The following DCLK1 variants were observed in gnomAD, a reference collection of about 807,000 sequenced individuals.
DCLK1 encodes the protein serine/threonine-protein kinase DCLK1.
Under a neutral mutation model 86.2 loss-of-function variants are expected in DCLK1, and 16 were observed. That is an observed-to-expected ratio of 0.19 (90% confidence interval 0.13 to 0.28). DCLK1 has a LOEUF of 0.28. Ranked by LOEUF, DCLK1 falls within the 10% of genes least tolerant of loss-of-function variation. DCLK1 has a pLI of 1.00. For synonymous variants in DCLK1, 369 were observed against 370.5 expected (o/e 1.00, Z 0.05); for missense variants, 590 against 940.2 (o/e 0.63, Z 4.87).
chr13:36,071,265 T>G (rs1012367244), intron 3 of DCLK1, among the ~76,000 whole-genome samples: 8 of 152,144 alleles, frequency 5.3e-5, no homozygotes, highest in Non-Finnish European at 1.0e-4. Context: ...CTTTTCTTAG[T>G]ATATACATGT....
intron 11 of DCLK1, among the ~76,000 whole-genome samples, chr13:35,817,898 A>G (rs2087306520): frequency 6.6e-6 from 1 of 152,228 alleles, no homozygotes; most frequent in Non-Finnish European, 1.5e-5. Flanking sequence ...TGAAATTGAC[A>G]ATAACACAAC....
chr13:35,905,395 G>A (rs1037286109), intron 4 of DCLK1, among the ~76,000 whole-genome samples: 5 of 152,188 alleles, frequency 3.3e-5, no homozygotes, highest in Non-Finnish European at 4.4e-5. Flanking sequence ...TTCAATGGTT[G>A]AGGAAAGAGA....
chr13:35,874,554 A>C (rs1872485314), intron 4 of DCLK1, among the ~76,000 whole-genome samples: 1 of 152,164 alleles, frequency 6.6e-6, no homozygotes, highest in African/African-American at 2.4e-5. Flanking sequence ...CCCAACAGTT[A>C]CTTGGGCCAC....
At position 35,779,595 on chromosome 13, in the gene DCLK1, T is replaced by A. The variant is rs372294626; in HGVS notation, c.2059-4896A>T. Among the ~76,000 whole-genome samples, 15 of 152,194 alleles carry A rather than the reference T, an allele frequency of 9.9e-5. 1 individual carries two copies. Among genetic ancestry groups the A allele is most frequent in the African/African-American group, 3.4e-4 (14 of 41,532 alleles). ...ATAATAACAATAGCAAAAAATAGAA[T>A]TCAAAGCAACTCCAACACAAAAAAG... On this transcript the variant is annotated intron_variant, in intron 16 of 16. Transcript: ENST00000360631.
chr13:35,906,034 G>A (rs1164811547), intron 4 of DCLK1, among the ~76,000 whole-genome samples: 1 of 152,108 alleles, frequency 6.6e-6, no homozygotes, highest in Non-Finnish European at 1.5e-5. Context: ...GTGTTTCATT[G>A]TTAGAATGTT....
intron 3 of DCLK1, among the ~76,000 whole-genome samples, chr13:36,006,190 T>C (rs772022439): frequency 8.6e-5 from 13 of 152,024 alleles, no homozygotes; most frequent in Non-Finnish European, 1.6e-4. Context: ...AAAAAGAAAG[T>C]TTGGATTACA....
chr13:36,036,617 A>C (rs1593837062), intron 3 of DCLK1, among the ~76,000 whole-genome samples: 3 of 152,192 alleles, frequency 2.0e-5, no homozygotes, highest in Non-Finnish European at 4.4e-5. Context: ...GTGTATGTGT[A>C]GGTATAAGAT....
intron 3 of DCLK1, among the ~76,000 whole-genome samples, chr13:36,047,758 T>C (rs1479699012): frequency 6.6e-6 from 1 of 152,080 alleles, no homozygotes; most frequent in Non-Finnish European, 1.5e-5. Flanking sequence ...TCAAGAGATC[T>C]ATTGTACATC....
chr13:36,110,961 G>T (rs1885595441), intron 3 of DCLK1, among the ~76,000 whole-genome samples: 1 of 150,928 alleles, frequency 6.6e-6, no homozygotes, highest in Non-Finnish European at 1.5e-5. Flanking sequence ...CCCCTGAGTA[G>T]CTGGGACTAC....
chr13:35,975,205 G>C (rs781471380), intron 3 of DCLK1, among the ~76,000 whole-genome samples: 1 of 152,232 alleles, frequency 6.6e-6, no homozygotes, highest in Non-Finnish European at 1.5e-5. Flanking sequence ...GCAGCCTGTG[G>C]TGTGGGCGAG....
intron 4 of DCLK1, among the ~76,000 whole-genome samples, chr13:35,876,990 C>T (rs1181716242): frequency 2.0e-5 from 3 of 152,142 alleles, no homozygotes; most frequent in Non-Finnish European, 4.4e-5. Flanking sequence ...GGAAATCAGA[C>T]CAAACTCATG....
chr13:35,876,945 C>G (rs1256478809), intron 4 of DCLK1, among the ~76,000 whole-genome samples: 1 of 152,156 alleles, frequency 6.6e-6, no homozygotes, highest in Non-Finnish European at 1.5e-5. Flanking sequence ...GGTAATTTCT[C>G]TTGCTCCTAA....
rs1566522061 is a variant in DCLK1 at position 35,771,927 on chromosome 13, G to GA, written c.*2607dup. 1.3e-5 allele frequency: 2 copies of GA among 152,250 alleles called. No homozygotes were observed. The highest frequency in any genetic ancestry group is 1.5e-5 in the Non-Finnish European group (1 of 68,008). The allele number at this position is 152,250 out of a possible 1,614,324, so 9.4% of individuals were successfully genotyped here. A position where few individuals can be genotyped will look rare whatever the true frequency, so the allele number is the denominator to read the frequency against. On this transcript the variant is annotated 3_prime_UTR_variant, in exon 17 of 17. Coordinates refer to ENST00000360631, the MANE Select transcript of DCLK1 (RefSeq NM_001330071.2). ...ACTTGAACTATCCCAAGAATGTCGA[G>GA]AAAAAAATTAGAAAGCACTGGCTAA...
At chr13:35,941,852 C>T (rs1181391659) in intron 4 of DCLK1, among the ~76,000 whole-genome samples, 4 of 151,852 alleles carry the variant, frequency 2.6e-5, no homozygotes, top group African/African-American at 9.7e-5. Flanking sequence ...AATATGATAC[C>T]CCTACAATCC....
At chr13:35,909,977 T>C (rs982031003) in intron 4 of DCLK1, among the ~76,000 whole-genome samples, 2 of 152,174 alleles carry the variant, frequency 1.3e-5, no homozygotes, top group South Asian at 2.1e-4. Context: ...CTGCCTCACC[T>C]GTCATTTTGC....
At chr13:35,777,468 TA>T (rs1319221608) in intron 16 of DCLK1, among the ~76,000 whole-genome samples, 1 of 152,166 alleles carries the variant, frequency 6.6e-6, no homozygotes, top group Admixed American at 6.5e-5. Context: ...AATGATAAAT[TA>T]AAGTCACTGC....
intron 3 of DCLK1, among the ~76,000 whole-genome samples, chr13:36,060,525 A>T (rs1011211022): frequency 1.3e-5 from 2 of 152,222 alleles, no homozygotes; most frequent in African/African-American, 4.8e-5. Context: ...ACTGATAAAT[A>T]CATAATCATT....
chr13:35,965,561 C>A (rs1878692842), intron 3 of DCLK1, among the ~76,000 whole-genome samples: 1 of 152,148 alleles, frequency 6.6e-6, no homozygotes, highest in Admixed American at 6.5e-5. Context: ...GTGCAAAGGA[C>A]AGAAAGAGAA....
chr13:35,805,138 T>C (rs989767068), intron 15 of DCLK1, among the ~76,000 whole-genome samples: 6 of 152,184 alleles, frequency 3.9e-5, no homozygotes, highest in South Asian at 4.1e-4. Flanking sequence ...GAAAGCAGGT[T>C]GCGGGGTAGA....
Sources: allele counts gnomAD v4.1 joint callset (sites outside exome capture counted in the v4.1 genomes callset), GRCh38; gene constraint gnomAD v4.1.1; transcripts MANE v1.5; gene names NCBI Gene and HGNC (gene_info 2026-07-23, HGNC 2026-07-21).